HPD: variants seen among roughly 807,000 people sequenced by gnomAD.
The protein encoded by HPD is 4-hydroxyphenylpyruvate dioxygenase.
In HPD, 35 loss-of-function variants were observed where a neutral mutation model predicts 56.9. That is an observed-to-expected ratio of 0.62 (90% CI 0.47 to 0.82). The LOEUF is 0.82. Among genes scored for constraint, HPD ranks in the 40% least tolerant of loss-of-function variants. The pLI is 0.00. For missense variants in HPD, 442 were observed against 506.8 expected, an observed-to-expected ratio of 0.87 and a Z score of 1.23; for synonymous variants, 186 against 200.2, an observed-to-expected ratio of 0.93 and a Z score of 0.60.
chr12:121,879,903 A>C, the HPD span, among the ~76,000 whole-genome samples: 2 of 152,132 alleles, frequency 1.3e-5, no homozygotes, highest in Non-Finnish European at 2.9e-5. Flanking sequence ...TAATCCCAGC[A>C]CTTTGGGAGG....
intron 1 of HPD, 37 bp downstream of exon 1, chr12:121,858,784 G>A (rs368813055): frequency 6.4e-5 from 103 of 1,613,956 alleles, no homozygotes; most frequent in Admixed American, 1.0e-4. Flanking sequence ...CGTTACTGAA[G>A]ATGTCCCACC....
upstream of HPD, among the ~76,000 whole-genome samples, chr12:121,860,144 T>A (rs1291115558): frequency 1.3e-5 from 2 of 151,910 alleles, no homozygotes; most frequent in African/African-American, 4.8e-5. Context: ...GGTGACAGAG[T>A]GAGACTCCAT....
chr12:121,856,564 C>T lies in HPD; in HGVS notation c.241+19G>A, dbSNP rs1249674203. 1.2e-6 allele frequency: 2 copies of T among 1,613,808 alleles called. No individual in the cohort carries two copies. The highest frequency in any genetic ancestry group is 1.7e-6 in the Non-Finnish European group (2 of 1,179,738). ...TCCCACCCACAGAGCCATGCGTCCA[C>T]CCTCCCCGGGCACCTCACCTTTGTT... is the stretch of plus-strand genomic sequence containing the variant. On this transcript the variant is annotated intron_variant, in intron 5 of 13. Coordinates refer to ENST00000289004, the MANE Select transcript of HPD (RefSeq NM_002150.3).
intron 4 of HPD, chr12:121,857,060 T>C (rs1358877119): frequency 3.9e-6 from 2 of 509,370 alleles, no homozygotes; most frequent in Non-Finnish European, 7.1e-6. Flanking sequence ...TTTGTTGTTG[T>C]TGTTGGGGTT....
At chr12:121,873,667 A>G in the HPD span, among the ~76,000 whole-genome samples, 1 of 152,092 alleles carries the variant, frequency 6.6e-6, no homozygotes, top group Admixed American at 6.6e-5. Context: ...AAAAATACAA[A>G]AAATTAGCTG....
chr12:121,884,693 T>G, the HPD span, among the ~76,000 whole-genome samples: 7 of 152,190 alleles, frequency 4.6e-5, no homozygotes. Flanking sequence ...GTTTAAAGTT[T>G]GTTTTAAAAT....
the HPD span, among the ~76,000 whole-genome samples, chr12:121,877,842 C>T: frequency 2.6e-5 from 4 of 152,208 alleles, no homozygotes; most frequent in Non-Finnish European, 5.9e-5. Flanking sequence ...CAGTTGTTGC[C>T]TGTGGGTACA....
chr12:121,887,086 G>C, the HPD span, among the ~76,000 whole-genome samples: 1 of 152,136 alleles, frequency 6.6e-6, no homozygotes, highest in Non-Finnish European at 1.5e-5. Flanking sequence ...TTTTAGTAGA[G>C]ACGGTGTTTC....
intron 9 of HPD, among the ~76,000 whole-genome samples, chr12:121,848,746 C>T (rs1394759934): frequency 6.6e-6 from 1 of 152,096 alleles, no homozygotes; most frequent in Non-Finnish European, 1.5e-5. Context: ...ACTGGAATTA[C>T]AGGGGCCCAA....
At position 121,849,008 on chromosome 12, in the gene HPD, G is replaced by A. The variant is rs147886444; in HGVS notation, c.587C>T (p.Ala196Val). 1.2e-6 allele frequency: 2 copies of A among 1,613,096 alleles called. No homozygotes were observed. Among genetic ancestry groups the A allele is most frequent in the Non-Finnish European group, 1.7e-6 (2 of 1,179,298 alleles). The change falls in exon 9 of 14, where the codon GCC (alanine) becomes GTC (valine). Residue 196 changes from alanine (A) to valine (V), a missense_variant. Ala to Val is a moderately conservative substitution (Grantham distance 64). Transcript: ENST00000289004. Reference protein sequence around the residue: ...GNQPDQEMVSASEWYLKNLQF... With the variant: ...GNQPDQEMVSVSEWYLKNLQF... ...AGGGCCAAGGTCTCACCATTCGGAG[G>A]CGGACACCATCTCCTGATCAGGCTG... is the stretch of plus-strand genomic sequence containing the variant.
intron 7 of HPD, among the ~76,000 whole-genome samples, chr12:121,850,567 G>A (rs1278582716): frequency 2.0e-5 from 3 of 147,118 alleles, no homozygotes; most frequent in East Asian, 2.1e-4. Context: ...TCCATCTCCC[G>A]GGTTCAAGCC....
upstream of HPD, among the ~76,000 whole-genome samples, chr12:121,860,558 G>A (rs1319209773): frequency 6.6e-6 from 1 of 152,078 alleles, no homozygotes; most frequent in Non-Finnish European, 1.5e-5. Context: ...AGTATCCAGA[G>A]TCCCCTCCCT....
chr12:121,847,213 A>T lies in HPD; in HGVS notation c.598T>A (p.Tyr200Asn). ...CGGTGGAACTGCAGGTTTTTCAGGT[A>T]CCTGTAGGGTGGGCGGTGGAACACA... ...DQEMVSASEW[Y>N]LKNLQFHRFW... The change falls in exon 10 of 14, where the codon TAC becomes AAC. Residue 200 changes from tyrosine (Y) to asparagine (N), a missense_variant and splice_region_variant. Physicochemically the swap from Tyr to Asn is moderately radical, Grantham distance 143 (BLOSUM62 -2). Coordinates refer to ENST00000289004, the MANE Select transcript of HPD (RefSeq NM_002150.3). 6.2e-7 allele frequency: 1 copy of T among 1,614,092 alleles called. No homozygotes were observed. The highest frequency in any genetic ancestry group is 8.5e-7 in the Non-Finnish European group (1 of 1,179,986).
intron 3 of HPD, 24 bp downstream of exon 3, chr12:121,857,733 C>G (rs1168057543): frequency 1.9e-6 from 3 of 1,608,186 alleles, no homozygotes; most frequent in East Asian, 2.2e-5. Flanking sequence ...TCTGCTCACT[C>G]CAGCACCTTG....
the HPD span, among the ~76,000 whole-genome samples, chr12:121,875,208 T>C: frequency 2.0e-5 from 3 of 152,154 alleles, no homozygotes; most frequent in African/African-American, 7.2e-5. Context: ...AACAAATTGG[T>C]GTGGCTATGT....
At position 121,857,345 on chromosome 12, in the gene HPD, C is replaced by A. The variant is rs1878039682; in HGVS notation, c.181G>T (p.Val61Leu). The change falls in exon 4 of 14, where the codon GTA becomes TTA. Residue 61 changes from valine to leucine, a missense_variant. Transcript: ENST00000289004. ...ETGSREVVSH[V>L]IKQGKIVFVL... Reference sequence around the variant, plus strand: ...TGACTCACCTTCCCTTGTTTGATTACATGGCTGACCACCTCCCGGGAACCG... The same window carrying A: ...TGACTCACCTTCCCTTGTTTGATTAAATGGCTGACCACCTCCCGGGAACCG... 5 of 1,613,320 alleles carry A rather than the reference C, an allele frequency of 3.1e-6. No homozygotes were observed. Among genetic ancestry groups the A allele is most frequent in the Non-Finnish European group, 3.4e-6 (4 of 1,179,340 alleles).
chr12:121,861,251 G>T (rs893752146), upstream of HPD, among the ~76,000 whole-genome samples: 1 of 151,400 alleles, frequency 6.6e-6, no homozygotes, highest in Non-Finnish European at 1.5e-5. Context: ...CAGGAGAATT[G>T]CTTGAACCCA....
At chr12:121,876,966 C>T in the HPD span, among the ~76,000 whole-genome samples, 8 of 151,688 alleles carry the variant, frequency 5.3e-5, no homozygotes, top group East Asian at 3.9e-4. Flanking sequence ...TGGTGGTGCA[C>T]GCCTGTAAGC....
chr12:121,879,149 G>C, the HPD span, among the ~76,000 whole-genome samples: 1 of 152,086 alleles, frequency 6.6e-6, no homozygotes, highest in Non-Finnish European at 1.5e-5. Flanking sequence ...GCCAGGCGTG[G>C]TGGTGGGCAC....
Sources: gnomAD v4.1 joint callset for allele counts (sites outside exome capture counted in the v4.1 genomes callset) on GRCh38, gnomAD v4.1.1 for gene constraint, MANE v1.5 for transcripts, NCBI Gene and HGNC (gene_info 2026-07-23, HGNC 2026-07-21) for gene names.